CEP128: variants seen among roughly 807,000 people sequenced by gnomAD.
CEP128 encodes the protein centrosomal protein 128, also known as centrosomal protein 128kDa.
CEP128 carries 132 observed loss-of-function variants against 156.7 expected under a neutral mutation model. The observed-to-expected ratio is 0.84, with a 90% confidence interval of 0.73 to 0.97. The LOEUF (loss-of-function observed/expected upper bound fraction) is 0.97. Among genes scored for constraint, CEP128 ranks in the 50% least tolerant of loss-of-function variants. The pLI is 0.00. For missense variants in CEP128, 1,252 were observed against 1,281.9 expected, an observed-to-expected ratio of 0.98 and a Z score of 0.36; for synonymous variants, 469 against 448.9, an observed-to-expected ratio of 1.04 and a Z score of -0.57.
At chr14:80,669,585 C>T (rs1353316125) in intron 19 of CEP128, among the ~76,000 whole-genome samples, 2 of 152,104 alleles carry the variant, frequency 1.3e-5, no homozygotes, top group African/African-American at 4.8e-5. Flanking sequence ...CACTAATAAT[C>T]AGAGAATGCA....
At chr14:80,805,049 C>A (rs1850882047) in intron 13 of CEP128, among the ~76,000 whole-genome samples, 1 of 151,988 alleles carries the variant, frequency 6.6e-6, no homozygotes, top group South Asian at 2.1e-4. Flanking sequence ...CCCATTGCCA[C>A]CTCCCTCTAA....
chr14:80,678,049 A>AAAAAATAT, intron 19 of CEP128, among the ~76,000 whole-genome samples: 20 of 98,494 alleles, frequency 2.0e-4, no homozygotes, highest in South Asian at 1.4e-3. Context: ...ATAAAAAAAA[A>AAAAAATAT]ATATATATAT....
chr14:80,715,305 G>C (rs1897564243), intron 19 of CEP128, among the ~76,000 whole-genome samples: 1 of 152,054 alleles, frequency 6.6e-6, no homozygotes, highest in South Asian at 2.1e-4. Flanking sequence ...CATGCAAATA[G>C]TCTTCCTACT....
At chr14:80,557,864 C>T (rs142257903) in intron 21 of CEP128, among the ~76,000 whole-genome samples, 169 of 152,006 alleles carry the variant, frequency 1.1e-3, no homozygotes, top group African/African-American at 3.8e-3. Flanking sequence ...AAAATCACTA[C>T]GACTAAGATA....
intron 19 of CEP128, among the ~76,000 whole-genome samples, chr14:80,588,153 A>T (rs1891897671): frequency 6.6e-6 from 1 of 152,124 alleles, no homozygotes; most frequent in South Asian, 2.1e-4. Context: ...GAAATTTGAA[A>T]TTTTTAGTGA....
At chr14:80,708,329 C>A (rs1595258474) in intron 19 of CEP128, among the ~76,000 whole-genome samples, 1 of 152,240 alleles carries the variant, frequency 6.6e-6, no homozygotes, top group South Asian at 2.1e-4. Flanking sequence ...TTCCTACAAG[C>A]AATGTTTGAA....
intron 8 of CEP128, among the ~76,000 whole-genome samples, chr14:80,888,106 A>G (rs1459268914): frequency 7.2e-5 from 11 of 152,208 alleles, no homozygotes; most frequent in Non-Finnish European, 1.5e-5. Context: ...GAATAGACCA[A>G]TAACAAGTTT....
chr14:80,785,273 G>A lies in CEP128; in HGVS notation c.1833C>T (p.His611=), dbSNP rs1901341843. Residue 611 remains histidine, a synonymous_variant, in exon 15 of 25, where the codon CAC becomes CAT. Transcript: ENST00000555265. ...IQSQMKVEKA[H]LEEEIAELKK... ...TGAGCTCTGCAATTTCTTCCTCCAAGTGAGCTTTCTCAACTTTCATCTGGC... is the reference window on the plus strand; with the variant it reads ...TGAGCTCTGCAATTTCTTCCTCCAAATGAGCTTTCTCAACTTTCATCTGGC... 6.2e-7 allele frequency: 1 copy of A among 1,614,040 alleles called. No individual in the cohort carries two copies. The highest frequency in any genetic ancestry group is 1.1e-5 in the South Asian group (1 of 91,088).
At position 80,740,781 on chromosome 14, in the gene CEP128, T is replaced by C. The variant is rs148361800; in HGVS notation, c.2806+2294A>G. On this transcript the variant is annotated intron_variant, in intron 19 of 24. Transcript: ENST00000555265. ...AAAGAAACTTTGACAATGGCTTATT[T>C]CACCCTTAGATGTGTCTTCTAACAA... 2.0e-3 allele frequency among the ~76,000 whole-genome samples: 304 copies of C among 152,298 alleles called. 2 individuals are homozygous for C. The highest frequency in any genetic ancestry group is 7.0e-3 in the African/African-American group (293 of 41,574).
At chr14:80,850,839 T>C (rs2140117342) in intron 9 of CEP128, among the ~76,000 whole-genome samples, 1 of 152,320 alleles carries the variant, frequency 6.6e-6, no homozygotes, top group African/African-American at 2.4e-5. Context: ...GCTGTCTTTA[T>C]TAAGTTGTCA....
At chr14:80,586,283 C>A (rs1030585957) in intron 19 of CEP128, among the ~76,000 whole-genome samples, 1 of 152,198 alleles carries the variant, frequency 6.6e-6, no homozygotes. Context: ...CTTGGGCAGA[C>A]CCCTGTGGTG....
downstream of CEP128, among the ~76,000 whole-genome samples, chr14:80,496,247 A>G (rs757114929): frequency 2.6e-5 from 4 of 152,190 alleles, no homozygotes; most frequent in Non-Finnish European, 4.4e-5. Context: ...TGCATACATG[A>G]TAAAAATGCA....
chr14:80,725,511 C>T (rs1315935039), intron 19 of CEP128, among the ~76,000 whole-genome samples: 1 of 152,034 alleles, frequency 6.6e-6, no homozygotes, highest in Non-Finnish European at 1.5e-5. Context: ...AGATAATTTA[C>T]TCCACCTTTA....
intron 16 of CEP128, among the ~76,000 whole-genome samples, chr14:80,772,792 T>C (rs1025420940): frequency 3.5e-4 from 54 of 152,118 alleles, no homozygotes; most frequent in African/African-American, 1.3e-3. Context: ...CTGTTGCACA[T>C]CCTGCAAGGG....
chr14:80,630,253 G>A (rs1893906380), intron 19 of CEP128, among the ~76,000 whole-genome samples: 1 of 151,918 alleles, frequency 6.6e-6, no homozygotes, highest in Non-Finnish European at 1.5e-5. Context: ...AGTAATGAAT[G>A]AAAATTACAG....
intron 19 of CEP128, among the ~76,000 whole-genome samples, chr14:80,658,074 C>T (rs1895251342): frequency 6.6e-6 from 1 of 151,912 alleles, no homozygotes; most frequent in Non-Finnish European, 1.5e-5. Context: ...ATGCTATCAC[C>T]ACAGTAAAGT....
At chr14:80,626,461 A>T (rs1193334244) in intron 19 of CEP128, among the ~76,000 whole-genome samples, 4 of 105,192 alleles carry the variant, frequency 3.8e-5, no homozygotes, top group African/African-American at 1.6e-4. Flanking sequence ...ACAGAGCGAG[A>T]CTCCGTCTCA....
chr14:80,865,422 A>G (rs1396298073), intron 8 of CEP128, among the ~76,000 whole-genome samples: 1 of 152,174 alleles, frequency 6.6e-6, no homozygotes, highest in African/African-American at 2.4e-5. Context: ...TCTCTTCAAG[A>G]CACTGATTTC....
intron 21 of CEP128, among the ~76,000 whole-genome samples, chr14:80,535,180 C>A (rs562853121): frequency 6.6e-6 from 1 of 152,206 alleles, no homozygotes; most frequent in East Asian, 1.9e-4. Context: ...TCCCTCACAC[C>A]ACCATAAGAG....
Sources: allele counts gnomAD v4.1 joint callset (sites outside exome capture counted in the v4.1 genomes callset), GRCh38; gene constraint gnomAD v4.1.1; transcripts MANE v1.5; gene names NCBI Gene and HGNC (gene_info 2026-07-23, HGNC 2026-07-21).